The following EHBP1 variants were observed in gnomAD, a reference collection of about 807,000 sequenced individuals.
EHBP1 encodes EH domain-binding protein 1.
Under a neutral mutation model 144.0 loss-of-function variants are expected in EHBP1, and 55 were observed. The observed-to-expected ratio is 0.38, with a 90% CI of 0.31 to 0.48. The LOEUF (loss-of-function observed/expected upper bound fraction) is 0.48, where lower values mean the gene tolerates loss of function less well. Ranked by LOEUF, EHBP1 falls within the 20% of genes least tolerant of loss-of-function variation. The pLI is 0.98. For synonymous variants in EHBP1, 469 were observed against 472.7 expected (o/e 0.99, Z 0.10); for missense variants, 1,200 against 1,364.2 (o/e 0.88, Z 1.90).
intron 10 of EHBP1, among the ~76,000 whole-genome samples, chr2:62,901,555 A>G (rs1016371755): frequency 2.0e-5 from 3 of 152,082 alleles, no homozygotes; most frequent in Admixed American, 2.0e-4. Context: ...AGAGGAAACA[A>G]AAAAAAGGGA....
At chr2:62,797,954 C>G (rs1368767647) in intron 5 of EHBP1, among the ~76,000 whole-genome samples, 1 of 152,034 alleles carries the variant, frequency 6.6e-6, no homozygotes, top group Non-Finnish European at 1.5e-5. Flanking sequence ...CATTAACTTT[C>G]TAAGTGCTGT....
In EHBP1 at chr2:62,993,969, G is replaced by A. The variant is rs770508736; in HGVS notation, c.2971G>A (p.Val991Met). The A allele has an allele frequency of 5.1e-6, 8 of 1,566,970 alleles. No individual in the cohort carries two copies. Among genetic ancestry groups the A allele is most frequent in the Non-Finnish European group, 6.9e-6 (8 of 1,153,008 alleles). ...TCAGAGGAAGCCATCAGAAGATGAAGTGCTTAATGTATATTAATTTTTTGT... is the reference window on the plus strand; with the variant it reads ...TCAGAGGAAGCCATCAGAAGATGAAATGCTTAATGTATATTAATTTTTTGT... ...ETQRKPSEDE[V>M]LNKGFKDTSQ... The change falls in exon 18 of 23, where the codon GTG becomes ATG. Residue 991 changes from valine to methionine, a missense_variant. Physicochemically the swap from Val to Met is conservative, Grantham distance 21. Transcript: ENST00000431489.
intron 2 of EHBP1, among the ~76,000 whole-genome samples, chr2:62,727,881 G>A (rs189621949): frequency 6.6e-6 from 1 of 152,278 alleles, no homozygotes; most frequent in East Asian, 1.9e-4. Context: ...TGAGCGCAAG[G>A]GAGACAGCAG....
chr2:62,946,478 T>C (rs2057078531), intron 12 of EHBP1, among the ~76,000 whole-genome samples: 1 of 152,236 alleles, frequency 6.6e-6, no homozygotes, highest in Non-Finnish European at 1.5e-5. Context: ...ATAGCTACAT[T>C]GAGTTGCTAC....
chr2:62,782,317 T>A (rs2042486239), intron 5 of EHBP1, among the ~76,000 whole-genome samples: 1 of 152,232 alleles, frequency 6.6e-6, no homozygotes, highest in Non-Finnish European at 1.5e-5. Context: ...GACCAGTTAA[T>A]ATGGACTGAA....
chr2:62,838,503 A>C (rs551723986), intron 7 of EHBP1, among the ~76,000 whole-genome samples: 30 of 152,336 alleles, frequency 2.0e-4, no homozygotes, highest in Non-Finnish European at 8.8e-5. Context: ...AGCAGAACTG[A>C]AGGAAATAGA....
At chr2:62,982,183 A>AAATTTATTTATTTATT (rs2059002729) in intron 15 of EHBP1, among the ~76,000 whole-genome samples, 1 of 152,204 alleles carries the variant, frequency 6.6e-6, no homozygotes, top group South Asian at 2.1e-4. Context: ...TCAATGATTC[A>AAATTTATTTATTTATT]TATACATTTA....
intron 10 of EHBP1, among the ~76,000 whole-genome samples, chr2:62,876,667 C>G (rs1324058255): frequency 6.6e-6 from 1 of 152,116 alleles, no homozygotes; most frequent in Non-Finnish European, 1.5e-5. Context: ...CTAGGGAGGC[C>G]TCGGGAAACT....
At chr2:63,020,323 C>CAAAAAAAAAAAAAAAAA (rs1001418542) in intron 19 of EHBP1, among the ~76,000 whole-genome samples, 1 of 45,284 alleles carries the variant, frequency 2.2e-5, no homozygotes, top group Non-Finnish European at 4.4e-5. Flanking sequence ...GACTCTGTCT[C>CAAAAAAAAAAAAAAAAA]AAAAAAAAAA....
chr2:62,749,319 C>T (rs1573108344), intron 3 of EHBP1, among the ~76,000 whole-genome samples: 1 of 152,292 alleles, frequency 6.6e-6, no homozygotes, highest in East Asian at 1.9e-4. Flanking sequence ...ATGAACTCAT[C>T]CTTTTTTATG....
At chr2:62,783,498 T>C (rs1217265809) in intron 5 of EHBP1, among the ~76,000 whole-genome samples, 1 of 152,268 alleles carries the variant, frequency 6.6e-6, no homozygotes, top group Non-Finnish European at 1.5e-5. Context: ...GTATACATCC[T>C]CTGAAATCTA....
intron 14 of EHBP1, among the ~76,000 whole-genome samples, chr2:62,977,192 A>G (rs2058755638): frequency 6.6e-6 from 1 of 151,618 alleles, no homozygotes; most frequent in Non-Finnish European, 1.5e-5. Context: ...AAAAAGACAT[A>G]TGCATAAAAA....
At chr2:62,823,727 T>C (rs2046151517) in intron 5 of EHBP1, among the ~76,000 whole-genome samples, 1 of 152,066 alleles carries the variant, frequency 6.6e-6, no homozygotes, top group Admixed American at 6.6e-5. Flanking sequence ...ATAGCTAATT[T>C]TAAGGAGAGA....
At chr2:63,027,379 A>C (rs1299855579) in intron 19 of EHBP1, among the ~76,000 whole-genome samples, 1 of 152,214 alleles carries the variant, frequency 6.6e-6, no homozygotes, top group Non-Finnish European at 1.5e-5. Flanking sequence ...ATGTGTACTC[A>C]AGTGAAGAGA....
At chr2:62,961,935 G>A (rs1033142870) in intron 14 of EHBP1, among the ~76,000 whole-genome samples, 2 of 151,886 alleles carry the variant, frequency 1.3e-5, no homozygotes, top group Non-Finnish European at 2.9e-5. Context: ...GGCTGAGGCA[G>A]GAGAATTGCT....
intron 13 of EHBP1, among the ~76,000 whole-genome samples, chr2:62,951,539 G>T (rs549287488): frequency 7.0e-5 from 10 of 142,380 alleles, no homozygotes; most frequent in Non-Finnish European, 1.2e-4. Flanking sequence ...TTTTTTGGGG[G>T]GGGGGGGTGG....
intron 2 of EHBP1, among the ~76,000 whole-genome samples, chr2:62,727,190 C>T (rs1365112358): frequency 6.6e-6 from 1 of 152,116 alleles, no homozygotes; most frequent in African/African-American, 2.4e-5. Flanking sequence ...ATTATGTCTT[C>T]CCCATCCTGA....
chr2:62,751,872 CTT>C (rs2039759715), intron 3 of EHBP1, among the ~76,000 whole-genome samples: 1 of 152,026 alleles, frequency 6.6e-6, no homozygotes, highest in Non-Finnish European at 1.5e-5. Context: ...ATTCTTCTCT[CTT>C]TTCTTCTTTA....
At chr2:62,945,397 A>G (rs935126507) in intron 12 of EHBP1, among the ~76,000 whole-genome samples, 1 of 152,252 alleles carries the variant, frequency 6.6e-6, no homozygotes, top group African/African-American at 2.4e-5. Context: ...AGTTTTTAAC[A>G]TACTTTAAAT....
Sources: gnomAD v4.1 joint callset for allele counts (sites outside exome capture counted in the v4.1 genomes callset) on GRCh38, gnomAD v4.1.1 for gene constraint, MANE v1.5 for transcripts, NCBI Gene and HGNC (gene_info 2026-07-23, HGNC 2026-07-21) for gene names.